UGGT2: variants seen among roughly 807,000 people sequenced by gnomAD.
UGGT2 encodes the protein UDP-glucose:glycoprotein glucosyltransferase 2.
Under a neutral mutation model 192.1 loss-of-function variants are expected in UGGT2, and 180 were observed. The observed-to-expected ratio is 0.94, with a 90% CI of 0.83 to 1.06. UGGT2 has a LOEUF of 1.06. Ranked by LOEUF, UGGT2 falls within the 50% of genes least tolerant of loss-of-function variation. UGGT2 has a pLI of 0.00. For missense variants in UGGT2, 1,849 were observed against 1,795.7 expected (o/e 1.03, Z -0.54); for synonymous variants, 580 against 591.0 (o/e 0.98, Z 0.27).
intron 29 of UGGT2, among the ~76,000 whole-genome samples, chr13:95,867,871 G>A (rs546033635): frequency 2.0e-5 from 3 of 152,212 alleles, no homozygotes; most frequent in Admixed American, 1.3e-4. Flanking sequence ...GCCAAAATTT[G>A]AAGTACATTG....
At chr13:95,832,400 A>C (rs1328154896) in intron 38 of UGGT2, among the ~76,000 whole-genome samples, 2 of 152,166 alleles carry the variant, frequency 1.3e-5, no homozygotes, top group Non-Finnish European at 2.9e-5. Context: ...ATGAAATGCC[A>C]AGGTAGCCAC....
At chr13:95,945,406 G>C (rs2049831365) in intron 15 of UGGT2, among the ~76,000 whole-genome samples, 1 of 151,926 alleles carries the variant, frequency 6.6e-6, no homozygotes, top group Non-Finnish European at 1.5e-5. Flanking sequence ...CAACTTGCAG[G>C]CTGTGCCACA....
At chr13:95,827,496 C>T (rs1469199034) in intron 38 of UGGT2, among the ~76,000 whole-genome samples, 2 of 152,082 alleles carry the variant, frequency 1.3e-5, no homozygotes, top group Non-Finnish European at 2.9e-5. Flanking sequence ...TTCCTCGCAG[C>T]CCTCAGAAGG....
In UGGT2 at chr13:95,947,173, C is replaced by A. The variant is rs372017275; in HGVS notation, c.1542-1G>T. On this transcript the variant is annotated splice_acceptor_variant, in intron 14 of 38. Transcript: ENST00000376747. LOFTEE classifies it high-confidence loss of function. ...ATTAAGAATGAACACAAAACCAATT[C>A]TGGAAAAAGAAGATGAACAAGGACT... 1.3e-6 allele frequency: 2 copies of A among 1,591,554 alleles called. No homozygotes were observed. The highest frequency in any genetic ancestry group is 1.7e-6 in the Non-Finnish European group (2 of 1,173,252).
At position 95,904,445 on chromosome 13, in the gene UGGT2, TC is replaced by T. The variant is rs1379170121; in HGVS notation, c.2296-1386del. Among the ~76,000 whole-genome samples, 11 of 30,540 alleles carry T rather than the reference TC, an allele frequency of 3.6e-4. 1 individual carries two copies. The East Asian group carries it at 8.7e-3, about 24-fold the overall frequency. The allele number at this position is 30,540 out of a possible 152,430, so 20.0% of individuals were successfully genotyped here. A position where few individuals can be genotyped will look rare whatever the true frequency, so the allele number is the denominator to read the frequency against. Reference sequence around the variant, plus strand: ...ATCTCCTAATGCTATCCCTCCCCCCTCCCCCCCACCCCACAACAGTCCCCAG... The same window carrying T: ...ATCTCCTAATGCTATCCCTCCCCCCTCCCCCCACCCCACAACAGTCCCCAG... On this transcript the variant is annotated intron_variant, in intron 20 of 38. Transcript: ENST00000376747.
Position 95,900,808 on chromosome 13 carries a change from C to T in UGGT2, c.2633G>A (p.Arg878Lys). 6.2e-7 allele frequency: 1 copy of T among 1,606,730 alleles called. No homozygotes were observed. Among genetic ancestry groups the T allele is most frequent in the Non-Finnish European group, 8.5e-7 (1 of 1,177,196 alleles). The change falls in exon 22 of 39, where the codon AGA (arginine) becomes AAA (lysine). Residue 878 changes from arginine to lysine, a missense_variant and splice_region_variant. By Grantham distance (26) the Arg-to-Lys change is conservative. Coordinates refer to ENST00000376747, the MANE Select transcript of UGGT2 (RefSeq NM_020121.4). ...AGAGCAATAGCTTTTTCTACTTACT[C>T]TCCCATTGCTGACAATACCCATTTC... is the stretch of plus-strand genomic sequence containing the variant. ...PGEMGIVSNG[R>K]FLGPLDEDFY...
chr13:95,905,041 G>A lies in UGGT2; in HGVS notation c.2296-1981C>T, dbSNP rs1314486622. On this transcript the variant is annotated intron_variant, in intron 20 of 38. Coordinates refer to ENST00000376747, the MANE Select transcript of UGGT2 (RefSeq NM_020121.4). ...TGGTTTTGATTTGCATTTCTCTGATGGCCAGTGATGATGAGCATTTTTTCA... is the reference window on the plus strand; with the variant it reads ...TGGTTTTGATTTGCATTTCTCTGATAGCCAGTGATGATGAGCATTTTTTCA... Among the ~76,000 whole-genome samples, 6 of 151,896 alleles carry A rather than the reference G, an allele frequency of 4.0e-5. No individual in the cohort carries two copies. The East Asian group carries it at 9.7e-4, about 24-fold the overall frequency.
At chr13:96,026,567 TA>T (rs2052670298) in intron 2 of UGGT2, among the ~76,000 whole-genome samples, 1 of 151,448 alleles carries the variant, frequency 6.6e-6, no homozygotes, top group Admixed American at 6.6e-5. Flanking sequence ...ATAAATATTA[TA>T]AATAAGTTTC....
intron 4 of UGGT2, among the ~76,000 whole-genome samples, chr13:96,017,395 C>T (rs1230814233): frequency 2.0e-5 from 3 of 152,174 alleles, no homozygotes; most frequent in Non-Finnish European, 4.4e-5. Flanking sequence ...ATGTGACGTG[C>T]CTGTTCCAGC....
intron 25 of UGGT2, among the ~76,000 whole-genome samples, chr13:95,890,461 T>G (rs2140232801): frequency 6.6e-6 from 1 of 152,272 alleles, no homozygotes; most frequent in Middle Eastern, 3.4e-3. Flanking sequence ...AACCTCTTCT[T>G]TGTGAAGTCT....
intron 20 of UGGT2, among the ~76,000 whole-genome samples, chr13:95,904,383 C>CA (rs1002837001): frequency 6.6e-6 from 1 of 151,030 alleles, no homozygotes; most frequent in African/African-American, 2.4e-5. Flanking sequence ...CATGCTGGTG[C>CA]ACTGCACCCA....
chr13:95,884,906 C>T (rs2047602592), intron 26 of UGGT2, among the ~76,000 whole-genome samples: 1 of 152,092 alleles, frequency 6.6e-6, no homozygotes, highest in African/African-American at 2.4e-5. Context: ...GTTAACTATT[C>T]CTTAATGAAC....
At chr13:95,838,315 A>G (rs548819653) in intron 36 of UGGT2, among the ~76,000 whole-genome samples, 1 of 152,342 alleles carries the variant, frequency 6.6e-6, no homozygotes, top group South Asian at 2.1e-4. Flanking sequence ...ACTGAAATAC[A>G]TGAAGAGATA....
At chr13:96,000,291 T>C (rs1285761361) in intron 5 of UGGT2, among the ~76,000 whole-genome samples, 1 of 152,222 alleles carries the variant, frequency 6.6e-6, no homozygotes, top group Non-Finnish European at 1.5e-5. Context: ...TTATTCTTTG[T>C]ATTCTCTTCT....
intron 2 of UGGT2, among the ~76,000 whole-genome samples, chr13:96,026,826 C>T (rs541802994): frequency 1.8e-4 from 28 of 152,136 alleles, no homozygotes; most frequent in African/African-American, 5.5e-4. Flanking sequence ...CGCCCTCCAC[C>T]GCGCCCGGCT....
intron 5 of UGGT2, among the ~76,000 whole-genome samples, chr13:96,013,040 A>G (rs2052213733): frequency 6.6e-6 from 1 of 152,060 alleles, no homozygotes; most frequent in African/African-American, 2.4e-5. Flanking sequence ...TTCTTAGCAA[A>G]TATTATACAC....
intron 38 of UGGT2, among the ~76,000 whole-genome samples, chr13:95,820,084 G>A (rs1443875743): frequency 1.3e-5 from 2 of 152,116 alleles, no homozygotes; most frequent in East Asian, 1.9e-4. Context: ...CTTGAACCTC[G>A]GAGGCAGAGT....
rs915125055 is a variant in UGGT2, at chr13:95,991,341, A to G, written c.831-1268T>C. Reference sequence around the variant, plus strand: ...GTTGAACTCATCTACACACACACCAACAGTGTAAAAGCCTTCCTATTTCTC... The same window carrying G: ...GTTGAACTCATCTACACACACACCAGCAGTGTAAAAGCCTTCCTATTTCTC... On this transcript the variant is annotated intron_variant, in intron 7 of 38. Transcript: ENST00000376747. 1.4e-5 allele frequency: 5 copies of G among 365,248 alleles called. No individual in the cohort carries two copies. In the Admixed American group the frequency reaches 1.6e-4, roughly 12 times the overall value. The allele number at this position is 365,248 out of a possible 1,614,324, so 22.6% of individuals were successfully genotyped here.
At chr13:95,975,736 G>A (rs191063182) in intron 10 of UGGT2, among the ~76,000 whole-genome samples, 5 of 152,202 alleles carry the variant, frequency 3.3e-5, no homozygotes, top group African/African-American at 7.2e-5. Flanking sequence ...GATTTACAAT[G>A]TTAAAATGGT....
Sources: allele counts gnomAD v4.1 joint callset (sites outside exome capture counted in the v4.1 genomes callset), GRCh38; gene constraint gnomAD v4.1.1; transcripts MANE v1.5; gene names NCBI Gene and HGNC (gene_info 2026-07-23, HGNC 2026-07-21).